The following ISM1 variants were observed in gnomAD, a reference collection of about 807,000 sequenced individuals.
ISM1 encodes the protein isthmin 1, also known as isthmin-1.
Under a neutral mutation model 46.3 loss-of-function variants are expected in ISM1, and 25 were observed. The ratio of observed to expected loss-of-function variants is 0.54; its 90% CI spans 0.39 to 0.75. The LOEUF is 0.75. ISM1 is among the 30% of genes least tolerant of loss of function. The pLI, the probability that ISM1 is intolerant of heterozygous loss-of-function variation, is 0.00. For synonymous variants in ISM1, 255 were observed against 256.7 expected (o/e 0.99, Z 0.06); for missense variants, 536 against 625.4 (o/e 0.86, Z 1.52).
At chr20:13,279,572 G>A in intron 2 of ISM1, 62 bp from the exon 3 acceptor site, 1 of 1,514,500 alleles carries the variant, frequency 6.6e-7, no homozygotes, top group Non-Finnish European at 9.0e-7. Flanking sequence ...TTTCTTCCAA[G>A]GGTCATGTAG....
chr20:13,284,392 G>C (rs891792124), intron 3 of ISM1, among the ~76,000 whole-genome samples: 2 of 152,194 alleles, frequency 1.3e-5, no homozygotes. Context: ...TGAGTTATTT[G>C]ATGTCACAGC....
chr20:13,247,430 G>A (rs2039809057), intron 1 of ISM1, among the ~76,000 whole-genome samples: 1 of 152,000 alleles, frequency 6.6e-6, no homozygotes, highest in African/African-American at 2.4e-5. Context: ...CTTGCAGCCT[G>A]TACAGGTCAG....
Position 13,270,745 on chromosome 20 carries a change from T to C in ISM1, c.378+2T>C. On this transcript the variant is annotated splice_donor_variant, in intron 2 of 5. Transcript: ENST00000262487. LOFTEE classifies it high-confidence loss of function. ...AATGGGCAGAATCCAAATATCCAGG[T>C]AATTCTTGGCACCTGGAAGATGGGA... The C allele has an allele frequency of 6.2e-7, 1 of 1,613,086 alleles. No individual in the cohort carries two copies. The highest frequency in any genetic ancestry group is 1.3e-5 in the African/African-American group (1 of 75,032).
the ISM1 span, among the ~76,000 whole-genome samples, chr20:13,306,553 A>G: frequency 7.7e-6 from 1 of 129,812 alleles, no homozygotes; most frequent in Non-Finnish European, 1.6e-5. Flanking sequence ...CAAATGGAGA[A>G]GGAGAAAGGA....
At chr20:13,313,567 G>A in the ISM1 span, among the ~76,000 whole-genome samples, 1 of 152,112 alleles carries the variant, frequency 6.6e-6, no homozygotes, top group African/African-American at 2.4e-5. Context: ...AGCCTATTCG[G>A]GCTCGGGAGA....
intron 1 of ISM1, among the ~76,000 whole-genome samples, chr20:13,255,683 G>T (rs750110554): frequency 6.6e-6 from 1 of 152,170 alleles, no homozygotes; most frequent in Non-Finnish European, 1.5e-5. Flanking sequence ...ATTACAACAA[G>T]TCATTCCCTC....
the ISM1 span, among the ~76,000 whole-genome samples, chr20:13,320,868 A>T: frequency 6.6e-6 from 1 of 152,198 alleles, no homozygotes; most frequent in African/African-American, 2.4e-5. Flanking sequence ...GAACGTAGTC[A>T]TATGGCCACA....
At chr20:13,274,820 G>A (rs76498793) in intron 2 of ISM1, among the ~76,000 whole-genome samples, 2,178 of 152,282 alleles carry the variant, frequency 0.014, 25 homozygotes, top group Non-Finnish European at 0.02. Flanking sequence ...TTTTAAGACT[G>A]GCTTCAAGCT....
chr20:13,244,743 C>G (rs2039774121), intron 1 of ISM1, among the ~76,000 whole-genome samples: 1 of 152,172 alleles, frequency 6.6e-6, no homozygotes, highest in Non-Finnish European at 1.5e-5. Flanking sequence ...TTTCATTCCC[C>G]TAGAAGCAAA....
intron 3 of ISM1, among the ~76,000 whole-genome samples, chr20:13,287,637 A>G (rs1443881732): frequency 6.6e-6 from 1 of 152,146 alleles, no homozygotes; most frequent in Non-Finnish European, 1.5e-5. Context: ...CTAAAATATT[A>G]GTTCCTCCAA....
intron 1 of ISM1, among the ~76,000 whole-genome samples, chr20:13,259,251 A>C (rs969135630): frequency 2.6e-5 from 4 of 151,398 alleles, no homozygotes; most frequent in African/African-American, 9.7e-5. Context: ...ACTGCACTCC[A>C]GCCTGGGCGA....
chr20:13,270,640 A>G lies in ISM1; in HGVS notation c.275A>G (p.His92Arg), dbSNP rs1269728342. Residue 92 changes from histidine to arginine, a missense_variant, in exon 2 of 6, where the codon CAC becomes CGC. This residue lies in a region of ISM1 where 367 missense variants were observed against 376.1 expected (regional missense o/e 0.98). Transcript: ENST00000262487. Reference protein sequence around the residue: ...PRPRFRQETGHPSLQRDFPRS... With the variant: ...PRPRFRQETGRPSLQRDFPRS... The stretch of plus-strand genomic sequence containing the variant: ...CCGCGATTCCGACAAGAGACGGGGC[A>G]CCCTTCATTGCAAAGAGATTTCCCC... 3 of 1,613,824 alleles carry G rather than the reference A, an allele frequency of 1.9e-6. No individual in the cohort carries two copies. In the African/African-American group the frequency reaches 4.0e-5, roughly 22 times the overall value.
At chr20:13,255,912 T>C (rs1261679605) in intron 1 of ISM1, among the ~76,000 whole-genome samples, 2 of 136,988 alleles carry the variant, frequency 1.5e-5, no homozygotes, top group African/African-American at 5.7e-5. Context: ...GGATATTTAG[T>C]AAAGTTCCTG....
At chr20:13,249,158 G>T (rs2039836809) in intron 1 of ISM1, among the ~76,000 whole-genome samples, 1 of 152,162 alleles carries the variant, frequency 6.6e-6, no homozygotes, top group Admixed American at 6.5e-5. Flanking sequence ...AGGACACAAA[G>T]ATCTGGGGGG....
At chr20:13,251,792 C>T (rs529758305) in intron 1 of ISM1, among the ~76,000 whole-genome samples, 29 of 152,180 alleles carry the variant, frequency 1.9e-4, no homozygotes, top group Non-Finnish European at 4.3e-4. Context: ...TTTTGCTTAC[C>T]GTGTGACTTT....
At chr20:13,278,128 G>T (rs905972260) in intron 2 of ISM1, among the ~76,000 whole-genome samples, 3 of 152,192 alleles carry the variant, frequency 2.0e-5, no homozygotes, top group Admixed American at 2.0e-4. Context: ...CATCCAGGGG[G>T]TGTTGCAAGA....
chr20:13,227,007 A>T (rs1214221655), intron 1 of ISM1, among the ~76,000 whole-genome samples: 1 of 152,224 alleles, frequency 6.6e-6, no homozygotes, highest in Non-Finnish European at 1.5e-5. Context: ...GTGCAAGGAC[A>T]TAAAGTGTCC....
intron 1 of ISM1, among the ~76,000 whole-genome samples, chr20:13,251,711 C>G (rs1030184288): frequency 4.6e-5 from 7 of 152,186 alleles, no homozygotes; most frequent in Admixed American, 3.9e-4. Context: ...CCTTCTCAAG[C>G]CTGCTTTCAA....
chr20:13,233,429 C>A (rs11697529), intron 1 of ISM1, among the ~76,000 whole-genome samples: 1 of 151,996 alleles, frequency 6.6e-6, no homozygotes, highest in East Asian at 1.9e-4. Context: ...AACCCCATCT[C>A]TACTGACAAT....
Sources: allele counts gnomAD v4.1 joint callset (sites outside exome capture counted in the v4.1 genomes callset), GRCh38; gene constraint gnomAD v4.1.1; regional missense constraint gnomAD v4.1.1; transcripts MANE v1.5; gene names NCBI Gene and HGNC (gene_info 2026-07-23, HGNC 2026-07-21).